Variants in ASB18 observed in about 807,000 individuals in gnomAD.
The protein encoded by ASB18 is ankyrin repeat and SOCS box containing 18, also known as ankyrin repeat and SOCS box protein 18.
Under a neutral mutation model 33.4 loss-of-function variants are expected in ASB18, and 33 were observed. The observed-to-expected ratio is 0.99, with a 90% CI of 0.75 to 1.32. The LOEUF (loss-of-function observed/expected upper bound fraction) is 1.32, where lower values mean the gene tolerates loss of function less well. Ranked by LOEUF, ASB18 falls within the 40% of genes most tolerant of loss-of-function variation. The pLI is 0.00. For missense variants in ASB18, 694 were observed against 655.5 expected (o/e 1.06, Z -0.64); for synonymous variants, 295 against 307.6 (o/e 0.96, Z 0.43).
In ASB18 at chr2:236,223,294, C is replaced by G. The variant is rs2060521152; in HGVS notation, c.597-8428G>C. Reference sequence around the variant, plus strand: ...TAAGCAGCATTTGACTTTCTAGAAGCTTCATTGGTGTGCCTTCCTCAGTAA... The same window carrying G: ...TAAGCAGCATTTGACTTTCTAGAAGGTTCATTGGTGTGCCTTCCTCAGTAA... On this transcript the variant is annotated intron_variant, in intron 3 of 5. Transcript: ENST00000409749. The surrounding 1 kb of genome is among the most constrained non-coding windows in gnomAD (Gnocchi z 4.6). Among the ~76,000 whole-genome samples the G allele has an allele frequency of 6.6e-6, 1 of 152,188 alleles. No individual in the cohort carries two copies. The highest frequency in any genetic ancestry group is 1.5e-5 in the Non-Finnish European group (1 of 68,042).
At chr2:236,254,763 G>A (rs2060684315) in intron 1 of ASB18, among the ~76,000 whole-genome samples, 1 of 152,090 alleles carries the variant, frequency 6.6e-6, no homozygotes, top group South Asian at 2.1e-4. Flanking sequence ...ACCAGCCCTA[G>A]CTTCAAGGGA....
chr2:236,220,562 T>G lies in ASB18; in HGVS notation c.597-5696A>C, dbSNP rs2060506183. Among the ~76,000 whole-genome samples the G allele has an allele frequency of 6.6e-6, 1 of 152,114 alleles. No individual in the cohort carries two copies. Among genetic ancestry groups the G allele is most frequent in the Non-Finnish European group, 1.5e-5 (1 of 68,008 alleles). On this transcript the variant is annotated intron_variant, in intron 3 of 5. Coordinates refer to ENST00000409749, the MANE Select transcript of ASB18 (RefSeq NM_212556.4). The surrounding 1 kb of genome is among the most constrained non-coding windows in gnomAD (Gnocchi z 5.1). The stretch of plus-strand genomic sequence containing the variant: ...TTCCCCAGTACTTGGCCTTTTTTTT[T>G]TTTTTTAAACAACTATTTATCTTTA...
At position 236,217,573 on chromosome 2, in the gene ASB18, C is replaced by T. The variant is rs926547131; in HGVS notation, c.597-2707G>A. On this transcript the variant is annotated intron_variant, in intron 3 of 5. Coordinates refer to ENST00000409749, the MANE Select transcript of ASB18 (RefSeq NM_212556.4). The surrounding 1 kb of genome is among the most constrained non-coding windows in gnomAD (Gnocchi z 5.2). Reference sequence around the variant, plus strand: ...ACACATTCCATTAATTAACATCTTTCAGCTTTTCTTTATATTGCCGCTGCT... The same window carrying T: ...ACACATTCCATTAATTAACATCTTTTAGCTTTTCTTTATATTGCCGCTGCT... 3.3e-5 allele frequency among the ~76,000 whole-genome samples: 5 copies of T among 152,120 alleles called. No individual in the cohort carries two copies. The highest frequency in any genetic ancestry group is 5.9e-5 in the Non-Finnish European group (4 of 68,030).
In ASB18 at chr2:236,194,805, T is replaced by A. The variant is rs1185675380; in HGVS notation, c.*67A>T. ...CACCTCCATCTGCATCAGGGCACTCTCCAACACACGGCCTCCATGGAAGGT... is the reference window on the plus strand; with the variant it reads ...CACCTCCATCTGCATCAGGGCACTCACCAACACACGGCCTCCATGGAAGGT... On this transcript the variant is annotated 3_prime_UTR_variant, in exon 6 of 6. Transcript: ENST00000409749. This position sits in a 1 kb window ranked among gnomAD's most constrained non-coding sequence, Gnocchi z 4.5. 7.0e-7 allele frequency: 1 copy of A among 1,427,424 alleles called. No individual in the cohort carries two copies. Among genetic ancestry groups the A allele is most frequent in the Non-Finnish European group, 9.6e-7 (1 of 1,044,190 alleles). The allele number at this position is 1,427,424 out of a possible 1,614,324, so 88.4% of individuals were successfully genotyped here.
chr2:236,205,180 G>C lies in ASB18; in HGVS notation c.1102-8795C>G, dbSNP rs890053759. Among the ~76,000 whole-genome samples the C allele has an allele frequency of 2.0e-5, 3 of 152,182 alleles. No homozygotes were observed. Among genetic ancestry groups the C allele is most frequent in the Admixed American group, 6.5e-5 (1 of 15,276 alleles). On this transcript the variant is annotated intron_variant, in intron 4 of 5. Transcript: ENST00000409749. The surrounding 1 kb of genome is among the most constrained non-coding windows in gnomAD (Gnocchi z 5.4). ...ACTCCTCTGCTCAAATCCCTCCAATGGTCAAAGTCATTACAATGTCCTGTA... is the reference window on the plus strand; with the variant it reads ...ACTCCTCTGCTCAAATCCCTCCAATCGTCAAAGTCATTACAATGTCCTGTA...
rs192138324 is a variant in ASB18 at position 236,203,147 on chromosome 2, T to C, written c.1102-6762A>G. ...TCCTACTAGAAAGCAGGGATTGTGT[T>C]ATGTCTGCATGTTATGATGGCCAGC... On this transcript the variant is annotated intron_variant, in intron 4 of 5. Coordinates refer to ENST00000409749, the MANE Select transcript of ASB18 (RefSeq NM_212556.4). The surrounding 1 kb of genome is among the most constrained non-coding windows in gnomAD (Gnocchi z 6.0). 1.3e-5 allele frequency among the ~76,000 whole-genome samples: 2 copies of C among 152,286 alleles called. No individual in the cohort carries two copies. Among genetic ancestry groups the C allele is most frequent in the African/African-American group, 4.8e-5 (2 of 41,544 alleles).
At position 236,213,896 on chromosome 2, in the gene ASB18, A is replaced by G. The variant is rs949024423; in HGVS notation, c.1101+466T>C. 1 of 166,804 alleles carries G rather than the reference A, an allele frequency of 6.0e-6. No individual in the cohort carries two copies. The highest frequency in any genetic ancestry group is 5.9e-5 in the Admixed American group (1 of 16,808). The allele number at this position is 166,804 out of a possible 1,614,324, so 10.3% of individuals were successfully genotyped here. A position where few individuals can be genotyped will look rare whatever the true frequency, so the allele number is the denominator to read the frequency against. On this transcript the variant is annotated intron_variant, in intron 4 of 5. Coordinates refer to ENST00000409749, the MANE Select transcript of ASB18 (RefSeq NM_212556.4). The surrounding 1 kb of genome is among the most constrained non-coding windows in gnomAD (Gnocchi z 4.8). ...CGAAGCACTCTCATTAACAAGGTGG[A>G]TGATCAGATTGGGTAATTTTGTTTC...
At position 236,256,323 on chromosome 2, in the gene ASB18, G is replaced by A. The variant is rs568650190; in HGVS notation, c.205+7818C>T. Among the ~76,000 whole-genome samples, 26 of 152,164 alleles carry A rather than the reference G, an allele frequency of 1.7e-4. No individual in the cohort carries two copies. Among genetic ancestry groups the A allele is most frequent in the South Asian group, 1.2e-3 (6 of 4,826 alleles). On this transcript the variant is annotated intron_variant, in intron 1 of 5. Coordinates refer to ENST00000409749, the MANE Select transcript of ASB18 (RefSeq NM_212556.4). This position sits in a 1 kb window ranked among gnomAD's most constrained non-coding sequence, Gnocchi z 4.7. ...GTTACAGGCATGAACCACCATGCCCGGCCCATAAGTATTTATTAGGTACCT... is the reference window on the plus strand; with the variant it reads ...GTTACAGGCATGAACCACCATGCCCAGCCCATAAGTATTTATTAGGTACCT...
Position 236,214,326 on chromosome 2 carries a change from C to T in ASB18, c.1101+36G>A, listed in dbSNP as rs2060473665. On this transcript the variant is annotated intron_variant, in intron 4 of 5. Coordinates refer to ENST00000409749, the MANE Select transcript of ASB18 (RefSeq NM_212556.4). This position sits in a 1 kb window ranked among gnomAD's most constrained non-coding sequence, Gnocchi z 6.5. ...GGCCGGTCACTAAGTGGCAAAACTCCAGGGCACGTGCCAGCCGGGCTGGAT... is the reference window on the plus strand; with the variant it reads ...GGCCGGTCACTAAGTGGCAAAACTCTAGGGCACGTGCCAGCCGGGCTGGAT... 1 of 1,545,106 alleles carries T rather than the reference C, an allele frequency of 6.5e-7. No homozygotes were observed. Among genetic ancestry groups the T allele is most frequent in the Non-Finnish European group, 8.7e-7 (1 of 1,148,716 alleles).
rs2060600770 is a variant in ASB18 at position 236,237,646 on chromosome 2, T to G, written c.596+43A>C. 7.7e-7 allele frequency: 1 copy of G among 1,290,738 alleles called. No individual in the cohort carries two copies. The highest frequency in any genetic ancestry group is 1.7e-5 in the African/African-American group (1 of 58,064). The allele number at this position is 1,290,738 out of a possible 1,614,324, so 80.0% of individuals were successfully genotyped here. ...CGTGGGGGGAGGCGGGCGTCTGGTC[T>G]CGGGGCGGGGCGGACGCCGCGGGCC... On this transcript the variant is annotated intron_variant, in intron 3 of 5. Transcript: ENST00000409749. The surrounding 1 kb of genome is among the most constrained non-coding windows in gnomAD (Gnocchi z 6.2).
Position 236,261,056 on chromosome 2 carries a change from C to T in ASB18, c.205+3085G>A, listed in dbSNP as rs565881282. Reference sequence around the variant, plus strand: ...CAATAAATCATCATAATCACAGTTCCCTCTTGTTTCTATCTTAGCTGGTGG... The same window carrying T: ...CAATAAATCATCATAATCACAGTTCTCTCTTGTTTCTATCTTAGCTGGTGG... On this transcript the variant is annotated intron_variant, in intron 1 of 5. Transcript: ENST00000409749. 3.3e-5 allele frequency among the ~76,000 whole-genome samples: 5 copies of T among 152,262 alleles called. 1 individual carries two copies. Among genetic ancestry groups the T allele is most frequent in the African/African-American group, 1.2e-4 (5 of 41,550 alleles).
At chr2:236,212,008 G>A (rs2060460701) in intron 4 of ASB18, among the ~76,000 whole-genome samples, 1 of 152,180 alleles carries the variant, frequency 6.6e-6, no homozygotes, top group African/African-American at 2.4e-5. Context: ...GAAGGTCTGT[G>A]CTTGCAGGCG....
Position 236,252,692 on chromosome 2 carries a change from G to A in ASB18, c.206-11290C>T, listed in dbSNP as rs902925888. ...AGGCAGCCAGCCCTTTGATGATGTG[G>A]AGGGGTCAGGCAGAGGGGCACCTGA... is the stretch of plus-strand genomic sequence containing the variant. On this transcript the variant is annotated intron_variant, in intron 1 of 5. Coordinates refer to ENST00000409749, the MANE Select transcript of ASB18 (RefSeq NM_212556.4). This position sits in a 1 kb window ranked among gnomAD's most constrained non-coding sequence, Gnocchi z 7.9. Among the ~76,000 whole-genome samples, 1 of 152,282 alleles carries A rather than the reference G, an allele frequency of 6.6e-6. No homozygotes were observed. Among genetic ancestry groups the A allele is most frequent in the South Asian group, 2.1e-4 (1 of 4,824 alleles).
chr2:236,201,379 C>A (rs1387640776), intron 4 of ASB18, among the ~76,000 whole-genome samples: 1 of 152,078 alleles, frequency 6.6e-6, no homozygotes, highest in Non-Finnish European at 1.5e-5. Context: ...GTTTTGAACT[C>A]CTGGGTTCAC....
Position 236,213,693 on chromosome 2 carries a change from T to C in ASB18, c.1101+669A>G, listed in dbSNP as rs563996529. ...ATCTGACGGGTGGAACAAGGATGAG[T>C]TGTTCAGAGTCAAGTCTGCAAGGGT... On this transcript the variant is annotated intron_variant, in intron 4 of 5. Transcript: ENST00000409749. The surrounding 1 kb of genome is among the most constrained non-coding windows in gnomAD (Gnocchi z 4.8). The C allele has an allele frequency of 2.0e-5, 3 of 151,030 alleles. 1 individual carries two copies. The South Asian group carries it at 6.3e-4, about 32-fold the overall frequency. 9.4% of individuals were successfully genotyped at this position (151,030 alleles called of 1,614,324 possible).
Position 236,239,759 on chromosome 2 carries a change from C to T in ASB18, c.328+1521G>A, listed in dbSNP as rs1437612218. 1.3e-5 allele frequency among the ~76,000 whole-genome samples: 2 copies of T among 152,212 alleles called. No homozygotes were observed. The highest frequency in any genetic ancestry group is 3.9e-4 in the East Asian group (2 of 5,192). On this transcript the variant is annotated intron_variant, in intron 2 of 5. Transcript: ENST00000409749. The surrounding 1 kb of genome is among the most constrained non-coding windows in gnomAD (Gnocchi z 5.6). ...CCCCACCAGGGGAGCTGGAATTGGC[C>T]ACCGGGAAGTCTTTTCATGGGAGAG...
chr2:236,222,626 G>C lies in ASB18; in HGVS notation c.597-7760C>G, dbSNP rs1410080317. On this transcript the variant is annotated intron_variant, in intron 3 of 5. Coordinates refer to ENST00000409749, the MANE Select transcript of ASB18 (RefSeq NM_212556.4). The surrounding 1 kb of genome is among the most constrained non-coding windows in gnomAD (Gnocchi z 5.5). ...GGGGGCAGGATGGGGCCTGGTGGGA[G>C]GTGGTTGGTTCATGGGGGTAGGTCT... Among the ~76,000 whole-genome samples, 2 of 152,306 alleles carry C rather than the reference G, an allele frequency of 1.3e-5. No homozygotes were observed. The highest frequency in any genetic ancestry group is 2.9e-5 in the Non-Finnish European group (2 of 68,026).
Position 236,238,079 on chromosome 2 carries a change from T to C in ASB18, c.329-123A>G, listed in dbSNP as rs2060604760. On this transcript the variant is annotated intron_variant, in intron 2 of 5. Transcript: ENST00000409749. The surrounding 1 kb of genome is among the most constrained non-coding windows in gnomAD (Gnocchi z 5.2). ...TAAAGGTAGGTACCAGGTAGGCATG[T>C]AGGGAGAAGAGGATAGAATCAGAGA... The C allele has an allele frequency of 2.7e-6, 2 of 742,798 alleles. No individual in the cohort carries two copies. The highest frequency in any genetic ancestry group is 1.9e-6 in the Non-Finnish European group (1 of 515,314). The allele number at this position is 742,798 out of a possible 1,614,324, so 46.0% of individuals were successfully genotyped here.
intron 1 of ASB18, chr2:236,247,481 C>A (rs1190307496): frequency 6.6e-6 from 1 of 152,192 alleles, no homozygotes; most frequent in Non-Finnish European, 1.5e-5. Flanking sequence ...CTTTAGGTTT[C>A]TTTCCCAGCA....
Sources: gnomAD v4.1 joint callset for allele counts (sites outside exome capture counted in the v4.1 genomes callset) on GRCh38, gnomAD v4.1.1 for gene constraint, Gnocchi (gnomAD v3.1) non-coding constraint, MANE v1.5 for transcripts, NCBI Gene and HGNC (gene_info 2026-07-23, HGNC 2026-07-21) for gene names.